TLE3: variants seen among roughly 807,000 people sequenced by gnomAD.
The protein encoded by TLE3 is TLE family member 3, transcriptional corepressor.
TLE3 carries 14 observed loss-of-function variants against 93.0 expected under a neutral mutation model. That is an observed-to-expected ratio of 0.15 (90% confidence interval 0.10 to 0.24). The LOEUF (loss-of-function observed/expected upper bound fraction) is 0.24. Among genes scored for constraint, TLE3 ranks in the 10% least tolerant of loss-of-function variants. The pLI is 1.00. For missense variants in TLE3, 693 were observed against 1,046.6 expected (o/e 0.66, Z 4.66); for synonymous variants, 451 against 425.0 (o/e 1.06, Z -0.75).
chr15:70,093,533 A>G (rs2058400740), intron 4 of TLE3, among the ~76,000 whole-genome samples: 1 of 152,244 alleles, frequency 6.6e-6, no homozygotes, highest in South Asian at 2.1e-4. Flanking sequence ...CTGAGATTTC[A>G]TGAACACCAA....
chr15:70,066,274 GC>G, intron 6 of TLE3, 56 bp from the exon 7 acceptor site: 1 of 1,409,550 alleles, frequency 7.1e-7, no homozygotes, highest in Non-Finnish European at 9.4e-7. Flanking sequence ...GGGAGGCGTG[GC>G]CACCTCAGGA....
In TLE3 at chr15:70,050,031, G is replaced by A. The variant is rs2055379270; in HGVS notation, c.*66C>T. The A allele has an allele frequency of 1.4e-6, 2 of 1,441,552 alleles. No homozygotes were observed. Among genetic ancestry groups the A allele is most frequent in the African/African-American group, 1.4e-5 (1 of 71,502 alleles). The allele number at this position is 1,441,552 out of a possible 1,614,324, so 89.3% of individuals were successfully genotyped here. A position where few individuals can be genotyped will look rare whatever the true frequency, so the allele number is the denominator to read the frequency against. Reference sequence around the variant, plus strand: ...CCGCCATCCTCGGGGCCCCTCGCCTGGGGGTCTCCCTGTCAGAGCCGAGTC... The same window carrying A: ...CCGCCATCCTCGGGGCCCCTCGCCTAGGGGTCTCCCTGTCAGAGCCGAGTC... On this transcript the variant is annotated 3_prime_UTR_variant, in exon 20 of 20. Coordinates refer to ENST00000451782, the MANE Select transcript of TLE3 (RefSeq NM_001105192.3).
chr15:70,066,420 G>A (rs1021680563), intron 6 of TLE3, among the ~76,000 whole-genome samples: 5 of 152,178 alleles, frequency 3.3e-5, no homozygotes, highest in African/African-American at 4.8e-5. Flanking sequence ...TTAATAGACT[G>A]TAATGTAAAG....
Position 70,058,301 on chromosome 15 carries a change from G to C in TLE3, c.919-10C>G, listed in dbSNP as rs763087209. ...TGGAGGATTTGTCGTTCTGAAGAGG[G>C]GAGATGCAGAACAAGGGAGGCCATG... On this transcript the variant is annotated splice_polypyrimidine_tract_variant and intron_variant, in intron 11 of 19. Coordinates refer to ENST00000451782, the MANE Select transcript of TLE3 (RefSeq NM_001105192.3). This position sits in a 1 kb window ranked among gnomAD's most constrained non-coding sequence, Gnocchi z 4.1. 1 of 1,596,294 alleles carries C rather than the reference G, an allele frequency of 6.3e-7. No individual in the cohort carries two copies. Among genetic ancestry groups the C allele is most frequent in the South Asian group, 1.1e-5 (1 of 87,680 alleles).
chr15:70,054,820 G>T, intron 15 of TLE3, 135 bp from the exon 16 acceptor site: 1 of 1,313,146 alleles, frequency 7.6e-7, no homozygotes, highest in Non-Finnish European at 1.0e-6. Flanking sequence ...CTGCCAGGCT[G>T]TCCCCATTCC....
At position 70,094,572 on chromosome 15, in the gene TLE3, T is replaced by C; in HGVS notation, c.194A>G (p.Tyr65Cys). 1 of 1,555,474 alleles carries C rather than the reference T, an allele frequency of 6.4e-7. No individual in the cohort carries two copies. The highest frequency in any genetic ancestry group is 8.7e-7 in the Non-Finnish European group (1 of 1,150,120). ...AATGTTCAAGCCATAGGACATCTCA[T>C]AGTACTAAAAGTAAAAAGAATGGCT... ...TEMQRHYVMYYEMSYGLNIEM... is the reference protein window; with the variant it reads ...TEMQRHYVMYCEMSYGLNIEM... Residue 65 changes from tyrosine (Y) to cysteine (C), a missense_variant, in exon 4 of 20, where the codon TAT becomes TGT. By Grantham distance (194) the Tyr-to-Cys change is radical. Transcript: ENST00000451782.
intron 9 of TLE3, among the ~76,000 whole-genome samples, chr15:70,059,830 G>A (rs886492732): frequency 2.6e-5 from 4 of 152,214 alleles, no homozygotes; most frequent in Admixed American, 2.0e-4. Flanking sequence ...CACAGTCAGT[G>A]TGCTGCTCTC....
In TLE3 at chr15:70,079,491, C is replaced by T. The variant is rs148893826; in HGVS notation, c.235-3333G>A. 2,044 of 473,610 alleles carry T rather than the reference C, an allele frequency of 4.3e-3. 17 individuals are homozygous for T. Among genetic ancestry groups the T allele is most frequent in the South Asian group, 0.014 (881 of 64,776 alleles). 29.3% of individuals were successfully genotyped at this position (473,610 alleles called of 1,614,324 possible). On this transcript the variant is annotated intron_variant, in intron 4 of 19. Transcript: ENST00000451782. ...GGACATGAAGCAAGCACATCCCATC[C>T]CTCCCAGCTGTCACTGTGCCATCAT...
At chr15:70,095,530 C>G in intron 3 of TLE3, 48 bp downstream of exon 3, 1 of 1,547,010 alleles carries the variant, frequency 6.5e-7, no homozygotes, top group Non-Finnish European at 8.7e-7. Context: ...GCGCCCCCGG[C>G]CGGGGTCGGC....
chr15:70,090,783 T>A (rs1229116685), intron 4 of TLE3, among the ~76,000 whole-genome samples: 1 of 152,190 alleles, frequency 6.6e-6, no homozygotes, highest in Non-Finnish European at 1.5e-5. Context: ...ATTACACACA[T>A]CAAATCATTA....
chr15:70,055,503 T>G (rs2055941361), intron 14 of TLE3: 6 of 559,886 alleles, frequency 1.1e-5, no homozygotes, highest in Non-Finnish European at 1.7e-5. Flanking sequence ...CTTTGATTTT[T>G]ACACCCAGTT....
At chr15:70,089,896 C>T (rs936749518) in intron 4 of TLE3, among the ~76,000 whole-genome samples, 13 of 152,280 alleles carry the variant, frequency 8.5e-5, no homozygotes, top group Middle Eastern at 3.4e-3. Flanking sequence ...GGAAGAACTC[C>T]GTGTCTGCCA....
At chr15:70,076,303 C>T (rs1482937821) in intron 4 of TLE3, 145 bp from the exon 5 acceptor site, 1 of 702,094 alleles carries the variant, frequency 1.4e-6, no homozygotes. Flanking sequence ...CAGCCTCCTA[C>T]CAGGAGGCTC....
chr15:70,095,262 G>A (rs2058496915), intron 3 of TLE3: 4 of 1,246,322 alleles, frequency 3.2e-6, no homozygotes, highest in Non-Finnish European at 4.1e-6. Flanking sequence ...TATCTTACTA[G>A]CCAAGATAGG....
chr15:70,077,196 T>C (rs2057490012), intron 4 of TLE3, among the ~76,000 whole-genome samples: 1 of 152,186 alleles, frequency 6.6e-6, no homozygotes, highest in Non-Finnish European at 1.5e-5. Context: ...TCCACCAGTA[T>C]CCTATGTAAA....
chr15:70,083,497 C>A (rs1400645629), intron 4 of TLE3, among the ~76,000 whole-genome samples: 1 of 150,586 alleles, frequency 6.6e-6, no homozygotes, highest in African/African-American at 2.5e-5. Context: ...ACTGCCCATT[C>A]ATCCCAGGCA....
intron 4 of TLE3, among the ~76,000 whole-genome samples, chr15:70,082,384 T>C (rs370806945): frequency 6.6e-6 from 1 of 152,036 alleles, no homozygotes; most frequent in African/African-American, 2.4e-5. Context: ...CCCTGCTCCA[T>C]CCACGCCATG....
chr15:70,096,319 G>A, intron 1 of TLE3, 58 bp from the exon 2 acceptor site: 1 of 1,547,638 alleles, frequency 6.5e-7, no homozygotes. Context: ...CGCGCTCAGA[G>A]CGGCCCCGGC....
intron 4 of TLE3, among the ~76,000 whole-genome samples, chr15:70,080,234 G>A (rs2057700817): frequency 6.6e-6 from 1 of 152,116 alleles, no homozygotes; most frequent in Non-Finnish European, 1.5e-5. Context: ...CCTCCATCTC[G>A]GTCCCACAAA....
Sources: gnomAD v4.1 joint callset for allele counts (sites outside exome capture counted in the v4.1 genomes callset) on GRCh38, gnomAD v4.1.1 for gene constraint, Gnocchi (gnomAD v3.1) non-coding constraint, MANE v1.5 for transcripts, NCBI Gene and HGNC (gene_info 2026-07-23, HGNC 2026-07-21) for gene names.